Variants in SFMBT2 observed in about 807,000 individuals in gnomAD.
SFMBT2 encodes scm-like with four MBT domains protein 2.
A neutral mutation model predicts 110.1 loss-of-function variants in SFMBT2; 38 were observed. The ratio of observed to expected loss-of-function variants is 0.35; its 90% confidence interval spans 0.27 to 0.45. The LOEUF (loss-of-function observed/expected upper bound fraction) is 0.45, where lower values mean the gene tolerates loss of function less well. Ranked by LOEUF, SFMBT2 falls within the 20% of genes least tolerant of loss-of-function variation. SFMBT2 has a pLI of 1.00. For missense variants in SFMBT2, 1,011 were observed against 1,094.9 expected (o/e 0.92, Z 1.08); for synonymous variants, 425 against 425.4 (o/e 1.00, Z 0.01).
At chr10:7,375,782 C>T (rs1184392639) in intron 2 of SFMBT2, among the ~76,000 whole-genome samples, 1 of 151,358 alleles carries the variant, frequency 6.6e-6, no homozygotes, top group Non-Finnish European at 1.5e-5. Context: ...CACACACACA[C>T]ACACACACAC....
At chr10:7,254,248 A>C (rs1536496) in intron 7 of SFMBT2, among the ~76,000 whole-genome samples, 39,086 of 152,098 alleles carry the variant, frequency 0.26, 5,337 homozygotes, top group South Asian at 0.43. Context: ...CCTATATTCT[A>C]TCATTCATCC....
chr10:7,165,719 G>A (rs1260679754), intron 20 of SFMBT2, among the ~76,000 whole-genome samples: 1 of 152,224 alleles, frequency 6.6e-6, no homozygotes, highest in Non-Finnish European at 1.5e-5. Context: ...TATACACACT[G>A]AAAGCAGGAG....
At chr10:7,368,463 G>A (rs1456878482) in intron 3 of SFMBT2, 1 of 528,620 alleles carries the variant, frequency 1.9e-6, no homozygotes, top group Non-Finnish European at 2.4e-6. Context: ...GTCCGCAAGT[G>A]GCCACTGCTG....
intron 1 of SFMBT2, among the ~76,000 whole-genome samples, chr10:7,403,955 G>A (rs1846147903): frequency 6.6e-6 from 1 of 152,268 alleles, no homozygotes; most frequent in Non-Finnish European, 1.5e-5. Context: ...TTGAAGGACT[G>A]GATTGGAATG....
intron 8 of SFMBT2, among the ~76,000 whole-genome samples, chr10:7,245,505 C>G (rs1840576065): frequency 6.6e-6 from 1 of 152,240 alleles, no homozygotes; most frequent in Non-Finnish European, 1.5e-5. Context: ...TCCATCAGGG[C>G]TCATGTTCCT....
chr10:7,197,715 C>T (rs1838822616), intron 14 of SFMBT2, 28 bp from the exon 15 acceptor site: 1 of 1,609,746 alleles, frequency 6.2e-7, no homozygotes, highest in Non-Finnish European at 8.5e-7. Flanking sequence ...ATAGTCCATG[C>T]TTAGGACCAC....
intron 16 of SFMBT2, among the ~76,000 whole-genome samples, chr10:7,188,311 T>C (rs1838486856): frequency 6.6e-6 from 1 of 152,240 alleles, no homozygotes; most frequent in African/African-American, 2.4e-5. Context: ...ATATCCTCTT[T>C]ACAATTTTCC....
intron 15 of SFMBT2, among the ~76,000 whole-genome samples, chr10:7,190,712 T>C (rs1217099111): frequency 6.6e-6 from 1 of 152,114 alleles, no homozygotes; most frequent in Non-Finnish European, 1.5e-5. Flanking sequence ...AACACTGGAG[T>C]TCAGTTCATT....
chr10:7,199,077 C>A (rs1268076887), intron 14 of SFMBT2, among the ~76,000 whole-genome samples: 1 of 152,142 alleles, frequency 6.6e-6, no homozygotes, highest in Non-Finnish European at 1.5e-5. Flanking sequence ...CACCTGGGTT[C>A]AAGCAATTCT....
chr10:7,287,117 T>C (rs1842115318), intron 4 of SFMBT2, among the ~76,000 whole-genome samples: 1 of 145,404 alleles, frequency 6.9e-6, no homozygotes, highest in African/African-American at 2.6e-5. Context: ...AGTCTCGCTC[T>C]TTCACCCAGG....
chr10:7,228,689 T>G (rs1481357674), intron 9 of SFMBT2, among the ~76,000 whole-genome samples: 18 of 118,244 alleles, frequency 1.5e-4, no homozygotes, highest in Non-Finnish European at 1.7e-4. Flanking sequence ...CTTTCTTTCT[T>G]TCTTTCTTTC....
chr10:7,176,570 C>T lies in SFMBT2; in HGVS notation c.1809-405G>A, dbSNP rs577497132. The T allele has an allele frequency of 4.5e-6, 4 of 883,458 alleles. No individual in the cohort carries two copies. The African/African-American group carries it at 7.2e-5, about 16-fold the overall frequency. 54.7% of individuals were successfully genotyped at this position (883,458 alleles called of 1,614,324 possible). Reference sequence around the variant, plus strand: ...TGAAAAATGTGAGTGCATATGGGATCAGGATTCTGCCTTGAAAACCATGCA... The same window carrying T: ...TGAAAAATGTGAGTGCATATGGGATTAGGATTCTGCCTTGAAAACCATGCA... On this transcript the variant is annotated intron_variant, in intron 16 of 20. Coordinates refer to ENST00000397167, the MANE Select transcript of SFMBT2 (RefSeq NM_001387889.1).
chr10:7,161,146 C>T lies in SFMBT2; in HGVS notation c.*2624G>A, dbSNP rs909695928. The T allele has an allele frequency of 5.9e-5, 9 of 152,258 alleles. No individual in the cohort carries two copies. Among genetic ancestry groups the T allele is most frequent in the African/African-American group, 2.2e-4 (9 of 41,448 alleles). The allele number at this position is 152,258 out of a possible 1,614,324, so 9.4% of individuals were successfully genotyped here. On this transcript the variant is annotated 3_prime_UTR_variant, in exon 21 of 21. Transcript: ENST00000397167. ...GGCTCCACGGGAAGCAAACACTTTC[C>T]CCTGCGACAGTGGCTGTATCCTTCC...
At position 7,172,060 on chromosome 10, in the gene SFMBT2, C is replaced by T. The variant is rs776038260; in HGVS notation, c.2250G>A (p.Ala750=). The change falls in exon 19 of 21, where the codon GCG becomes GCA. Residue 750 remains alanine, a synonymous_variant. Coordinates refer to ENST00000397167, the MANE Select transcript of SFMBT2 (RefSeq NM_001387889.1). This position sits in a 1 kb window ranked among gnomAD's most constrained non-coding sequence, Gnocchi z 4.6. The stretch of plus-strand genomic sequence containing the variant: ...TCCGGGGCCGGGCCGAGGGCACCTC[C>T]GCCGACGAGGTGTCCGTCTGGTCAT... The part of the protein sequence containing the change: ...LRDDQTDTSS[A]EVPSARPRRA... 52 of 1,600,544 alleles carry T rather than the reference C, an allele frequency of 3.2e-5. No homozygotes were observed. The highest frequency in any genetic ancestry group is 2.4e-4 in the African/African-American group (18 of 74,704).
intron 16 of SFMBT2, among the ~76,000 whole-genome samples, chr10:7,177,765 G>A (rs529243593): frequency 6.6e-6 from 1 of 152,206 alleles, no homozygotes; most frequent in South Asian, 2.1e-4. Flanking sequence ...GGCTGAGGCA[G>A]GAGGATTCCT....
intron 11 of SFMBT2, among the ~76,000 whole-genome samples, chr10:7,211,961 C>G (rs1839365892): frequency 6.6e-6 from 1 of 152,196 alleles, no homozygotes; most frequent in Admixed American, 6.5e-5. Context: ...AAGGTGGGCT[C>G]AGACGGGTTT....
At chr10:7,248,207 C>A (rs1024524854) in intron 8 of SFMBT2, among the ~76,000 whole-genome samples, 2 of 152,124 alleles carry the variant, frequency 1.3e-5, no homozygotes, top group African/African-American at 4.8e-5. Context: ...ATGTATTTTC[C>A]AAGTATAAAC....
In SFMBT2 at chr10:7,210,923, G is replaced by T. The variant is rs193076339; in HGVS notation, c.1331-4995C>A. Among the ~76,000 whole-genome samples, 1,106 of 152,254 alleles carry T rather than the reference G, an allele frequency of 7.3e-3. 14 individuals are homozygous for T. Among genetic ancestry groups the T allele is most frequent in the South Asian group, 0.015 (71 of 4,816 alleles). On this transcript the variant is annotated intron_variant, in intron 11 of 20. Transcript: ENST00000397167. Reference sequence around the variant, plus strand: ...AAATGGGATTAGACGAGTATGGGGGGGGTGTGGGGAGGGGAGAGAGGAGAG... The same window carrying T: ...AAATGGGATTAGACGAGTATGGGGGTGGTGTGGGGAGGGGAGAGAGGAGAG...
rs375019436 is a variant in SFMBT2 at position 7,250,339 on chromosome 10, A to G, written c.871-1690T>C. ...GCACTTCTAAGCGAGAACATGAGGT[A>G]TTTGGCTTTCTGATCCTGCATTAGT... On this transcript the variant is annotated intron_variant, in intron 7 of 20. Transcript: ENST00000397167. Among the ~76,000 whole-genome samples the G allele has an allele frequency of 3.9e-5, 6 of 152,274 alleles. No individual in the cohort carries two copies. The East Asian group carries it at 9.7e-4, about 25-fold the overall frequency.
Sources: allele counts gnomAD v4.1 joint callset (sites outside exome capture counted in the v4.1 genomes callset), GRCh38; gene constraint gnomAD v4.1.1; non-coding constraint Gnocchi (gnomAD v3.1); transcripts MANE v1.5; gene names NCBI Gene and HGNC (gene_info 2026-07-23, HGNC 2026-07-21).